The following ASS1 variants were observed in gnomAD, a reference collection of about 807,000 sequenced individuals.
ASS1 encodes argininosuccinate synthase.
ASS1 carries 58 observed loss-of-function variants against 60.5 expected under a neutral mutation model. That is an observed-to-expected ratio of 0.96 (90% confidence interval 0.78 to 1.19). The LOEUF (loss-of-function observed/expected upper bound fraction) is 1.19, where lower values mean the gene tolerates loss of function less well. Ranked by LOEUF, ASS1 falls within the 50% of genes most tolerant of loss-of-function variation. ASS1 has a pLI of 0.00. For missense variants in ASS1, 454 were observed against 547.3 expected, an observed-to-expected ratio of 0.83 and a Z score of 1.70; for synonymous variants, 200 against 206.9, an observed-to-expected ratio of 0.97 and a Z score of 0.29.
At chr9:130,481,271 G>C (rs550364367) in intron 11 of ASS1, among the ~76,000 whole-genome samples, 1 of 152,298 alleles carries the variant, frequency 6.6e-6, no homozygotes, top group South Asian at 2.1e-4. Context: ...AAGCCATGCT[G>C]TGTTCTTTCT....
rs534309716 is a variant in ASS1 at position 130,491,472 on chromosome 9, C to A, written c.970+2008C>A. 3.9e-3 allele frequency among the ~76,000 whole-genome samples: 593 copies of A among 152,306 alleles called. 2 individuals are homozygous for A. Among genetic ancestry groups the A allele is most frequent in the African/African-American group, 0.014 (563 of 41,558 alleles). The stretch of plus-strand genomic sequence containing the variant: ...CTGCGCAGAGGTGAGGAAACGGAGG[C>A]CCCCAGGTGAAGACACTCACCCAGG... On this transcript the variant is annotated intron_variant, in intron 12 of 14. Transcript: ENST00000352480. This position sits in a 1 kb window ranked among gnomAD's most constrained non-coding sequence, Gnocchi z 5.3.
chr9:130,452,237 C>G lies in ASS1; in HGVS notation c.9C>G (p.Ser3Arg). 4 of 1,614,226 alleles carry G rather than the reference C, an allele frequency of 2.5e-6. No individual in the cohort carries two copies. The highest frequency in any genetic ancestry group is 3.4e-6 in the Non-Finnish European group (4 of 1,180,034). Residue 3 changes from serine (S) to arginine (R), a missense_variant, in exon 2 of 15, where the codon AGC becomes AGG. Transcript: ENST00000352480. ...GACTCCCGCCAGACGCTATGTCCAG[C>G]AAAGGCTCCGTGGTTCTGGCCTACA... Reference protein sequence around the residue: MSSKGSVVLAYSG... With the variant: MSRKGSVVLAYSG...
intron 1 of ASS1, among the ~76,000 whole-genome samples, chr9:130,449,617 G>A (rs114453503): frequency 0.012 from 1,759 of 152,192 alleles, 30 homozygotes; most frequent in African/African-American, 0.04. Flanking sequence ...TGAGCAGGGG[G>A]TTAAGGAGCC....
intron 4 of ASS1, among the ~76,000 whole-genome samples, chr9:130,462,057 C>G (rs558063034): frequency 6.6e-6 from 1 of 152,136 alleles, no homozygotes; most frequent in Non-Finnish European, 1.5e-5. Context: ...GAAATTGAGC[C>G]GCACTCTCCC....
rs1275042748 is a variant in ASS1 at position 130,476,601 on chromosome 9, A to G, written c.598-270A>G. On this transcript the variant is annotated intron_variant, in intron 8 of 14. Transcript: ENST00000352480. This position sits in a 1 kb window ranked among gnomAD's most constrained non-coding sequence, Gnocchi z 4.9. ...CTGCCTGACTTGTTCCTCTCCAGCT[A>G]TTCTACCTCCAGCTGTGGGGGCGTC... is the stretch of plus-strand genomic sequence containing the variant. The G allele has an allele frequency of 3.5e-6, 2 of 564,232 alleles. No individual in the cohort carries two copies. The highest frequency in any genetic ancestry group is 6.1e-5 in the Admixed American group (2 of 32,976). 35.0% of individuals were successfully genotyped at this position (564,232 alleles called of 1,614,324 possible).
chr9:130,497,872 G>A (rs1234391844), intron 13 of ASS1, among the ~76,000 whole-genome samples: 1 of 152,218 alleles, frequency 6.6e-6, no homozygotes, highest in African/African-American at 2.4e-5. Flanking sequence ...TGGTGGTCTA[G>A]TTTGGTCTAG....
chr9:130,458,721 G>C, intron 4 of ASS1, 132 bp downstream of exon 4: 2 of 1,279,118 alleles, frequency 1.6e-6, no homozygotes, highest in Non-Finnish European at 2.2e-6. Context: ...ACATGGCTTT[G>C]TTTAGACCCC....
Position 130,470,968 on chromosome 9 carries a change from TGCCCCA to T in ASS1, c.566+66_566+71del. 1 of 1,558,628 alleles carries T rather than the reference TGCCCCA, an allele frequency of 6.4e-7. No homozygotes were observed. The highest frequency in any genetic ancestry group is 8.8e-7 in the Non-Finnish European group (1 of 1,131,160). ...CTCATTCCAAAGGACGGCCACGCGCTGCCCCAGGACGTCCTGGTGACCCCCACACCA... is the reference window on the plus strand; with the variant it reads ...CTCATTCCAAAGGACGGCCACGCGCTGGACGTCCTGGTGACCCCCACACCA... On this transcript the variant is annotated intron_variant, in intron 7 of 14. Coordinates refer to ENST00000352480, the MANE Select transcript of ASS1 (RefSeq NM_054012.4). The surrounding 1 kb of genome is among the most constrained non-coding windows in gnomAD (Gnocchi z 4.3).
In ASS1 at chr9:130,489,283, T is replaced by C; in HGVS notation, c.839-50T>C. On this transcript the variant is annotated intron_variant, in intron 11 of 14. Transcript: ENST00000352480. The surrounding 1 kb of genome is among the most constrained non-coding windows in gnomAD (Gnocchi z 4.1). ...TCATTTGCTGACAGTTTGGGTTTCA[T>C]GCGTTTCTCTCTTTTTTCTCCTTTT... The C allele has an allele frequency of 2.5e-6, 4 of 1,610,034 alleles. No individual in the cohort carries two copies. The highest frequency in any genetic ancestry group is 2.0e-4 in the Middle Eastern group (1 of 5,080).
At chr9:130,472,929 C>CA (rs1845907366) in intron 8 of ASS1, among the ~76,000 whole-genome samples, 1 of 152,166 alleles carries the variant, frequency 6.6e-6, no homozygotes, top group Non-Finnish European at 1.5e-5. Context: ...GAGGCCCCCC[C>CA]AGAATAGAGG....
intron 4 of ASS1, among the ~76,000 whole-genome samples, chr9:130,463,196 C>A (rs1845644693): frequency 6.6e-6 from 1 of 152,226 alleles, no homozygotes; most frequent in Admixed American, 6.5e-5. Flanking sequence ...GCAAAAGGTC[C>A]CTCTGTCATT....
At chr9:130,455,747 A>C (rs1030933118) in intron 3 of ASS1, among the ~76,000 whole-genome samples, 1 of 152,268 alleles carries the variant, frequency 6.6e-6, no homozygotes, top group Non-Finnish European at 1.5e-5. Context: ...TGAGCAGGGG[A>C]CATAGCAGGG....
chr9:130,495,071 A>G (rs909364752), intron 13 of ASS1, 48 bp downstream of exon 13: 27 of 1,563,656 alleles, frequency 1.7e-5, no homozygotes, highest in Middle Eastern at 1.7e-4. Flanking sequence ...CACAGAGCCT[A>G]TCTTTTGACT....
At chr9:130,464,322 C>T (rs1184418300) in intron 5 of ASS1, among the ~76,000 whole-genome samples, 155 bp downstream of exon 5, 1 of 151,930 alleles carries the variant, frequency 6.6e-6, no homozygotes, top group African/African-American at 2.4e-5. Context: ...TGGGGAGGCT[C>T]CCTTCGCTGG....
At chr9:130,460,030 T>G (rs1383457889) in intron 4 of ASS1, among the ~76,000 whole-genome samples, 1 of 152,212 alleles carries the variant, frequency 6.6e-6, no homozygotes, top group Non-Finnish European at 1.5e-5. Flanking sequence ...GCGGACAGCA[T>G]GCCAAGAGCC....
At chr9:130,490,443 G>A (rs1005470590) in intron 12 of ASS1, among the ~76,000 whole-genome samples, 1 of 152,038 alleles carries the variant, frequency 6.6e-6, no homozygotes, top group Non-Finnish European at 1.5e-5. Flanking sequence ...CCTGCTGAGT[G>A]ACTGGGATTA....
Position 130,458,578 on chromosome 9 carries a change from G to A in ASS1, c.352G>A (p.Ala118Thr), listed in dbSNP as rs775305020. ...REGAKYVSHG[A>T]TGKGNDQVRF... ...GGGGGCCAAGTATGTGTCCCACGGCGCCACAGGAAAGGTGAGGCACCTGGG... is the reference window on the plus strand; with the variant it reads ...GGGGGCCAAGTATGTGTCCCACGGCACCACAGGAAAGGTGAGGCACCTGGG... Residue 118 changes from alanine to threonine, a missense_variant, in exon 4 of 15, where the codon GCC becomes ACC. Ala to Thr is a moderately conservative substitution (Grantham distance 58, BLOSUM62 0). Coordinates refer to ENST00000352480, the MANE Select transcript of ASS1 (RefSeq NM_054012.4). 2.5e-5 allele frequency: 40 copies of A among 1,612,490 alleles called. No homozygotes were observed. The highest frequency in any genetic ancestry group is 3.0e-5 in the Non-Finnish European group (35 of 1,179,780).
chr9:130,481,463 C>A (rs568776507), intron 11 of ASS1, among the ~76,000 whole-genome samples: 24 of 152,306 alleles, frequency 1.6e-4, no homozygotes, highest in Admixed American at 4.6e-4. Flanking sequence ...GGTATAGTCA[C>A]GGCCCCATGT....
At chr9:130,462,865 G>C (rs1845635086) in intron 4 of ASS1, among the ~76,000 whole-genome samples, 1 of 152,160 alleles carries the variant, frequency 6.6e-6, no homozygotes, top group Non-Finnish European at 1.5e-5. Context: ...GCCTGAGTGT[G>C]AACCGTTAGG....
Sources: allele counts gnomAD v4.1 joint callset (sites outside exome capture counted in the v4.1 genomes callset), GRCh38; gene constraint gnomAD v4.1.1; non-coding constraint Gnocchi (gnomAD v3.1); transcripts MANE v1.5; gene names NCBI Gene and HGNC (gene_info 2026-07-23, HGNC 2026-07-21).